The following PI4K2A variants were observed in gnomAD, a reference collection of about 807,000 sequenced individuals.
PI4K2A encodes phosphatidylinositol 4-kinase type 2 alpha, also known as phosphatidylinositol 4-kinase type 2-alpha.
A neutral mutation model predicts 55.0 loss-of-function variants in PI4K2A; 20 were observed. The ratio of observed to expected loss-of-function variants is 0.36; its 90% CI spans 0.26 to 0.53. The LOEUF (loss-of-function observed/expected upper bound fraction) is 0.53, where lower values mean the gene tolerates loss of function less well. Ranked by LOEUF, PI4K2A falls within the 20% of genes least tolerant of loss-of-function variation. The probability of loss-of-function intolerance (pLI) is 0.91; values close to 1 mark genes in which losing one functional copy is unlikely to be tolerated. For synonymous variants in PI4K2A, 235 were observed against 258.5 expected (o/e 0.91, Z 0.87); for missense variants, 463 against 637.1 (o/e 0.73, Z 2.94).
chr10:97,658,693 C>CT (rs1461467089), intron 4 of PI4K2A, among the ~76,000 whole-genome samples: 1 of 152,206 alleles, frequency 6.6e-6, no homozygotes, highest in African/African-American at 2.4e-5. Flanking sequence ...CTCACCAGCA[C>CT]TTACTGTTTT....
chr10:97,640,958 C>G, exon 1 of PI4K2A: 11 of 1,504,800 alleles, frequency 7.3e-6, no homozygotes, highest in Non-Finnish European at 8.8e-6. Context: ...CGGCCCAGGG[C>G]CAGACCCAAA....
At chr10:97,672,277 G>A (rs528802877) in intron 8 of PI4K2A, among the ~76,000 whole-genome samples, 10 of 151,298 alleles carry the variant, frequency 6.6e-5, no homozygotes, top group South Asian at 2.1e-4. Context: ...TCCTGACCTC[G>A]TGATCTGCCC....
chr10:97,651,726 C>T (rs2041530829), intron 2 of PI4K2A, among the ~76,000 whole-genome samples: 3 of 152,192 alleles, frequency 2.0e-5, no homozygotes, highest in South Asian at 4.1e-4. Context: ...GATTCATACA[C>T]ATCTTGTATG....
chr10:97,673,748 G>A, exon 9 of PI4K2A: 1 of 1,613,310 alleles, frequency 6.2e-7, no homozygotes, highest in Non-Finnish European at 8.5e-7. Context: ...GGTAGCTCCA[G>A]AGGCAGGCAG....
At chr10:97,664,093 A>G (rs931539217) in intron 5 of PI4K2A, among the ~76,000 whole-genome samples, 2 of 152,172 alleles carry the variant, frequency 1.3e-5, no homozygotes, top group African/African-American at 2.4e-5. Context: ...TTGTGCCTGA[A>G]TCTTCTGAAG....
At chr10:97,643,549 G>C (rs2041489334) in intron 1 of PI4K2A, among the ~76,000 whole-genome samples, 1 of 151,812 alleles carries the variant, frequency 6.6e-6, no homozygotes, top group South Asian at 2.1e-4. Context: ...ACAGACCATA[G>C]GTATGTTACT....
At chr10:97,644,409 G>C (rs556393606) in intron 1 of PI4K2A, among the ~76,000 whole-genome samples, 1 of 152,296 alleles carries the variant, frequency 6.6e-6, no homozygotes, top group Non-Finnish European at 1.5e-5. Context: ...ATATTGGTTA[G>C]TATTGAATTT....
Position 97,662,983 on chromosome 10 carries a change from T to G in PI4K2A, c.984+15T>G. The G allele has an allele frequency of 6.6e-7, 1 of 1,518,352 alleles. No homozygotes were observed. The highest frequency in any genetic ancestry group is 1.1e-5 in the South Asian group (1 of 89,036). The allele number at this position is 1,518,352 out of a possible 1,614,324, so 94.1% of individuals were successfully genotyped here. A position where few individuals can be genotyped will look rare whatever the true frequency, so the allele number is the denominator to read the frequency against. On this transcript the variant is annotated intron_variant, in intron 5 of 8. Transcript: ENST00000370631. ...CTAGCTCTCGGGTAAGAGACTGAGATAAATCTTAAAGAGAATGAAGAGTAT... is the reference window on the plus strand; with the variant it reads ...CTAGCTCTCGGGTAAGAGACTGAGAGAAATCTTAAAGAGAATGAAGAGTAT...
At position 97,656,965 on chromosome 10, in the gene PI4K2A, C is replaced by T. The variant is rs754584429; in HGVS notation, c.913C>T (p.Arg305Cys). The T allele has an allele frequency of 2.5e-6, 4 of 1,614,038 alleles. No individual in the cohort carries two copies. Among genetic ancestry groups the T allele is most frequent in the African/African-American group, 1.3e-5 (1 of 74,926 alleles). Residue 305 changes from arginine (R) to cysteine (C), a missense_variant, in exon 4 of 9, where the codon CGC becomes TGC. Physicochemically the swap from Arg to Cys is radical, Grantham distance 180. Transcript: ENST00000370631. The surrounding 1 kb of genome is among the most constrained non-coding windows in gnomAD (Gnocchi z 4.5). ...GTTGGTGGTGCTGGATTACATCATC[C>T]GCAACACTGGTGAGCAGCTGCAGGT...
intron 1 of PI4K2A, among the ~76,000 whole-genome samples, chr10:97,646,010 C>T (rs2041503315): frequency 6.6e-6 from 1 of 152,110 alleles, no homozygotes. Flanking sequence ...ATCTTGACCT[C>T]TGGGAGTTCC....
intron 1 of PI4K2A, among the ~76,000 whole-genome samples, chr10:97,644,787 T>C (rs2041496054): frequency 6.6e-6 from 1 of 152,216 alleles, no homozygotes; most frequent in South Asian, 2.1e-4. Context: ...CTGGGAACTA[T>C]AGTCTTTTTT....
In PI4K2A at chr10:97,656,106, C is replaced by T. The variant is rs2041553052; in HGVS notation, c.637-179C>T. On this transcript the variant is annotated intron_variant, in intron 2 of 8. Coordinates refer to ENST00000370631, the Ensembl canonical transcript of PI4K2A. The surrounding 1 kb of genome is among the most constrained non-coding windows in gnomAD (Gnocchi z 4.5). ...TACATACATAATTTTGTCATTATTT[C>T]ATTGGCCCAAACTAGTTATCTTCCC... is the stretch of plus-strand genomic sequence containing the variant. Among the ~76,000 whole-genome samples the T allele has an allele frequency of 6.6e-6, 1 of 152,184 alleles. No homozygotes were observed. The highest frequency in any genetic ancestry group is 2.4e-5 in the African/African-American group (1 of 41,454).
chr10:97,650,164 G>A (rs1465419869), intron 1 of PI4K2A, among the ~76,000 whole-genome samples: 1 of 151,886 alleles, frequency 6.6e-6, no homozygotes, highest in Non-Finnish European at 1.5e-5. Context: ...TTACTTTAGA[G>A]CCCTCGATAT....
intron 1 of PI4K2A, among the ~76,000 whole-genome samples, chr10:97,645,791 T>G (rs1242456489): frequency 6.6e-6 from 1 of 151,828 alleles, no homozygotes; most frequent in Non-Finnish European, 1.5e-5. Flanking sequence ...CAACCTTGGC[T>G]CATTGCAGCC....
At chr10:97,671,538 A>G (rs777079058) in intron 8 of PI4K2A, among the ~76,000 whole-genome samples, 2 of 152,220 alleles carry the variant, frequency 1.3e-5, no homozygotes, top group Non-Finnish European at 2.9e-5. Context: ...CTAAATTTAA[A>G]ATTATTCCAA....
At chr10:97,653,171 T>C (rs921973123) in intron 2 of PI4K2A, among the ~76,000 whole-genome samples, 1 of 152,246 alleles carries the variant, frequency 6.6e-6, no homozygotes, top group Admixed American at 6.5e-5. Flanking sequence ...CACTCTATAG[T>C]TTTCTTCCTT....
chr10:97,666,777 CT>C (rs1457315953), intron 7 of PI4K2A, among the ~76,000 whole-genome samples: 9 of 152,178 alleles, frequency 5.9e-5, no homozygotes, highest in African/African-American at 2.2e-4. Flanking sequence ...AGAAATCACA[CT>C]GATGTGTCTC....
intron 8 of PI4K2A, among the ~76,000 whole-genome samples, chr10:97,672,093 A>C: frequency 6.6e-6 from 1 of 150,826 alleles, no homozygotes; most frequent in East Asian, 1.9e-4. Context: ...GCCAGGCTGG[A>C]GTGCAGTGGC....
intron 1 of PI4K2A, among the ~76,000 whole-genome samples, 167 bp downstream of exon 1, chr10:97,641,344 A>G (rs989278059): frequency 2.6e-5 from 4 of 152,096 alleles, no homozygotes; most frequent in South Asian, 4.1e-4. Context: ...GCTCTGCGGA[A>G]TGGAGAAATA....
Sources: allele counts gnomAD v4.1 joint callset (sites outside exome capture counted in the v4.1 genomes callset), GRCh38; gene constraint gnomAD v4.1.1; non-coding constraint Gnocchi (gnomAD v3.1); transcripts MANE v1.5; gene names NCBI Gene and HGNC (gene_info 2026-07-23, HGNC 2026-07-21).